Variants in SOX6 observed in about 807,000 individuals in gnomAD.
SOX6 encodes the protein transcription factor SOX-6.
Under a neutral mutation model 97.8 loss-of-function variants are expected in SOX6, and 11 were observed. The observed-to-expected ratio is 0.11, with a 90% CI of 0.07 to 0.19. The LOEUF is 0.19. Ranked by LOEUF, SOX6 falls within the 10% of genes least tolerant of loss-of-function variation. The probability of loss-of-function intolerance (pLI) is 1.00; values close to 1 mark genes in which losing one functional copy is unlikely to be tolerated. For synonymous variants in SOX6, 360 were observed against 371.4 expected, an observed-to-expected ratio of 0.97 and a Z score of 0.35; for missense variants, 810 against 1,039.5, an observed-to-expected ratio of 0.78 and a Z score of 3.04.
At chr11:16,547,127 G>A in intron 4 of SOX6, among the ~76,000 whole-genome samples, 1 of 152,152 alleles carries the variant, frequency 6.6e-6, no homozygotes. Flanking sequence ...TGATGGTGAG[G>A]ATGGAAAGAA....
chr11:16,033,366 TACCTAG>T (rs1855432722), intron 12 of SOX6, among the ~76,000 whole-genome samples: 2 of 152,178 alleles, frequency 1.3e-5, no homozygotes, highest in Admixed American at 1.3e-4. Flanking sequence ...CCAGGTGGCA[TACCTAG>T]TAATACACAT....
At chr11:16,243,935 G>A (rs1363305889) in intron 3 of SOX6, among the ~76,000 whole-genome samples, 1 of 151,896 alleles carries the variant, frequency 6.6e-6, no homozygotes, top group Non-Finnish European at 1.5e-5. Context: ...CTATGGACAT[G>A]TGGGTTGTTT....
At chr11:16,200,904 G>C (rs1329214006) in intron 4 of SOX6, among the ~76,000 whole-genome samples, 1 of 152,046 alleles carries the variant, frequency 6.6e-6, no homozygotes, top group Non-Finnish European at 1.5e-5. Flanking sequence ...TCAGGAGTTT[G>C]AGACCAGCCT....
intron 1 of SOX6, among the ~76,000 whole-genome samples, chr11:16,368,048 T>C (rs297325): frequency 0.19 from 28,989 of 152,070 alleles, 3,155 homozygotes; most frequent in Admixed American, 0.31. Flanking sequence ...GCGGCTTCCA[T>C]GAACCTATTG....
intron 3 of SOX6, among the ~76,000 whole-genome samples, chr11:16,280,879 T>C (rs557610357): frequency 4.6e-5 from 7 of 152,228 alleles, no homozygotes; most frequent in African/African-American, 1.7e-4. Context: ...TTCAATAAAT[T>C]CCTTTGCCTT....
chr11:16,687,521 C>T (rs935715043), intron 3 of SOX6, among the ~76,000 whole-genome samples: 1 of 152,186 alleles, frequency 6.6e-6, no homozygotes. Flanking sequence ...CTTAGGTGAT[C>T]CACCTGCCTC....
chr11:16,013,133 T>C (rs766352985), intron 13 of SOX6, among the ~76,000 whole-genome samples: 42 of 152,138 alleles, frequency 2.8e-4, no homozygotes, highest in Non-Finnish European at 4.9e-4. Context: ...AAATATGCAG[T>C]TAAGGAAGCA....
intron 6 of SOX6, among the ~76,000 whole-genome samples, chr11:16,155,902 C>T (rs1850584071): frequency 6.6e-6 from 1 of 152,034 alleles, no homozygotes; most frequent in South Asian, 2.1e-4. Flanking sequence ...TCTCATATTG[C>T]CCTTCCCTTC....
At chr11:16,059,865 T>C (rs530335135) in intron 9 of SOX6, among the ~76,000 whole-genome samples, 13 of 152,006 alleles carry the variant, frequency 8.6e-5, no homozygotes, top group Admixed American at 7.9e-4. Flanking sequence ...CTTCTGAAAA[T>C]GTCTGCTTGG....
chr11:16,540,207 C>A (rs898438697), intron 4 of SOX6, among the ~76,000 whole-genome samples: 1 of 152,116 alleles, frequency 6.6e-6, no homozygotes, highest in Non-Finnish European at 1.5e-5. Context: ...TAAACAGAAC[C>A]AACAACAAAA....
chr11:16,716,722 C>A (rs1389328113), intron 2 of SOX6, among the ~76,000 whole-genome samples: 4 of 151,774 alleles, frequency 2.6e-5, no homozygotes, highest in South Asian at 4.2e-4. Context: ...CAATGGCATA[C>A]TATATAGAAT....
intron 5 of SOX6, 78 bp from the exon 6 acceptor site, chr11:16,184,032 T>C: frequency 7.9e-7 from 1 of 1,272,926 alleles, no homozygotes; most frequent in Admixed American, 1.7e-5. Flanking sequence ...TCTCCTGGTA[T>C]TACAACAATC....
chr11:16,467,554 A>C (rs1477976635), intron 1 of SOX6, among the ~76,000 whole-genome samples: 2 of 152,332 alleles, frequency 1.3e-5, no homozygotes, highest in East Asian at 3.9e-4. Flanking sequence ...CAAATACCAC[A>C]TATTCTTACT....
chr11:16,523,559 C>G (rs1161226470), intron 4 of SOX6, among the ~76,000 whole-genome samples: 3 of 151,842 alleles, frequency 2.0e-5, no homozygotes, highest in Non-Finnish European at 4.4e-5. Context: ...ACCCTAACAT[C>G]ACAATTAAAA....
chr11:16,286,089 A>G (rs1411099278), intron 3 of SOX6, among the ~76,000 whole-genome samples: 1 of 152,182 alleles, frequency 6.6e-6, no homozygotes. Context: ...CATGATTTTT[A>G]AAGCCATATA....
intron 4 of SOX6, among the ~76,000 whole-genome samples, chr11:16,520,513 A>G (rs759691571): frequency 6.6e-6 from 1 of 152,358 alleles, no homozygotes; most frequent in South Asian, 2.1e-4. Flanking sequence ...ATGGCCAAAT[A>G]GGAACAGCTC....
intron 1 of SOX6, among the ~76,000 whole-genome samples, chr11:16,410,035 T>C (rs966067545): frequency 6.6e-6 from 1 of 152,020 alleles, no homozygotes; most frequent in Non-Finnish European, 1.5e-5. Context: ...TAGGGAGATG[T>C]TGGTTAAAGG....
chr11:16,264,259 C>T (rs982205735), intron 3 of SOX6, among the ~76,000 whole-genome samples: 1 of 151,826 alleles, frequency 6.6e-6, no homozygotes, highest in Non-Finnish European at 1.5e-5. Context: ...TATAGTTTAC[C>T]CTTCCTCTGT....
chr11:16,517,629 C>T (rs2133157779), intron 4 of SOX6, among the ~76,000 whole-genome samples: 1 of 152,222 alleles, frequency 6.6e-6, no homozygotes, highest in South Asian at 2.1e-4. Context: ...ATACATTTAA[C>T]ATCTATATAT....
Sources: allele counts gnomAD v4.1 joint callset (sites outside exome capture counted in the v4.1 genomes callset), GRCh38; gene constraint gnomAD v4.1.1; transcripts MANE v1.5; gene names NCBI Gene and HGNC (gene_info 2026-07-23, HGNC 2026-07-21).